The following CNTNAP3 variants were observed in gnomAD, a reference collection of about 807,000 sequenced individuals.
The protein encoded by CNTNAP3 is contactin associated protein family member 3.
Under a neutral mutation model 92.1 loss-of-function variants are expected in CNTNAP3, and 36 were observed. That is an observed-to-expected ratio of 0.39 (90% CI 0.30 to 0.52). CNTNAP3 has a LOEUF of 0.52. Ranked by LOEUF, CNTNAP3 falls within the 20% of genes least tolerant of loss-of-function variation. The pLI, the probability that CNTNAP3 is intolerant of heterozygous loss-of-function variation, is 0.76. For synonymous variants in CNTNAP3, 232 were observed against 422.3 expected, an observed-to-expected ratio of 0.55 and a Z score of 5.53; for missense variants, 534 against 1,069.6, an observed-to-expected ratio of 0.50 and a Z score of 6.98.
rs1825589990 is a variant in CNTNAP3, at chr9:39,069,476, C to A, written c.*4414G>T. On this transcript the variant is annotated 3_prime_UTR_variant, in exon 24 of 24. Coordinates refer to ENST00000297668, the MANE Select transcript of CNTNAP3 (RefSeq NM_033655.5). ...TAAAAGTTCATCTTATGATTTTAAA[C>A]ATTTTTATTCACAGAGCAAATGCAA... Among the ~76,000 whole-genome samples the A allele has an allele frequency of 6.6e-6, 1 of 152,310 alleles. No individual in the cohort carries two copies. Among genetic ancestry groups the A allele is most frequent in the South Asian group, 2.1e-4 (1 of 4,838 alleles).
chr9:39,151,026 G>A (rs1241076921), intron 9 of CNTNAP3, among the ~76,000 whole-genome samples: 1 of 147,800 alleles, frequency 6.8e-6, no homozygotes, highest in African/African-American at 2.5e-5. Flanking sequence ...GAAAAGTAAG[G>A]AAAAGGATGA....
intron 18 of CNTNAP3, among the ~76,000 whole-genome samples, chr9:39,089,870 T>C (rs1826150479): frequency 6.6e-6 from 1 of 152,202 alleles, no homozygotes; most frequent in African/African-American, 2.4e-5. Context: ...AAGAAATATC[T>C]ATTTATAAGC....
At chr9:39,132,840 A>G (rs1821326709) in intron 13 of CNTNAP3, 92 bp downstream of exon 13, 1 of 1,386,774 alleles carries the variant, frequency 7.2e-7, no homozygotes, top group South Asian at 1.4e-5. Flanking sequence ...CACGGGAGGG[A>G]CCCTGGCCTT....
chr9:39,145,490 G>A (rs1401788100), intron 10 of CNTNAP3, among the ~76,000 whole-genome samples: 23 of 142,910 alleles, frequency 1.6e-4, no homozygotes, highest in South Asian at 4.5e-4. Flanking sequence ...GGCTGTGGTG[G>A]AAGGACGACC....
intron 10 of CNTNAP3, among the ~76,000 whole-genome samples, chr9:39,146,886 G>C (rs1369973066): frequency 6.6e-6 from 1 of 152,140 alleles, no homozygotes; most frequent in East Asian, 1.9e-4. Context: ...TTTCTACTTT[G>C]TGAATTAGTG....
intron 15 of CNTNAP3, among the ~76,000 whole-genome samples, chr9:39,108,409 G>A (rs1332531929): frequency 2.6e-5 from 4 of 152,218 alleles, no homozygotes; most frequent in East Asian, 3.9e-4. Flanking sequence ...TGGCACACTC[G>A]GCAAGAATGT....
At chr9:39,143,618 G>A (rs963474445) in intron 11 of CNTNAP3, among the ~76,000 whole-genome samples, 1 of 152,152 alleles carries the variant, frequency 6.6e-6, no homozygotes, top group Admixed American at 6.5e-5. Context: ...ATAGCAGAGG[G>A]CTGACATAAG....
At chr9:39,101,693 G>C (rs1008551511) in intron 17 of CNTNAP3, among the ~76,000 whole-genome samples, 1 of 150,170 alleles carries the variant, frequency 6.7e-6, no homozygotes, top group Non-Finnish European at 1.5e-5. Flanking sequence ...TCCAATCAGC[G>C]GGTATCCTGC....
At chr9:39,079,077 T>C (rs1825867934) in intron 21 of CNTNAP3, among the ~76,000 whole-genome samples, 157 bp from the exon 22 acceptor site, 1 of 152,082 alleles carries the variant, frequency 6.6e-6, no homozygotes, top group Non-Finnish European at 1.5e-5. Flanking sequence ...TCACCGTGAA[T>C]CTTTACCTGT....
Position 39,072,473 on chromosome 9 carries a change from C to A in CNTNAP3, c.*1417G>T, listed in dbSNP as rs1435036468. On this transcript the variant is annotated 3_prime_UTR_variant, in exon 24 of 24. Transcript: ENST00000297668. Reference sequence around the variant, plus strand: ...ACTGCTTCAATACTAGTCCCTGGAACTGTCTCCATAAAGTTAATTCCAATC... The same window carrying A: ...ACTGCTTCAATACTAGTCCCTGGAAATGTCTCCATAAAGTTAATTCCAATC... Among the ~76,000 whole-genome samples the A allele has an allele frequency of 0.081, 10,357 of 128,044 alleles. 159 individuals are homozygous for A. The highest frequency in any genetic ancestry group is 0.15 in the East Asian group (634 of 4,114). The allele number at this position is 128,044 out of a possible 152,430, so 84.0% of individuals were successfully genotyped here. A position where few individuals can be genotyped will look rare whatever the true frequency, so the allele number is the denominator to read the frequency against.
intron 18 of CNTNAP3, among the ~76,000 whole-genome samples, chr9:39,096,199 G>C (rs1826322046): frequency 7.3e-6 from 1 of 137,630 alleles, no homozygotes; most frequent in Admixed American, 7.0e-5. Context: ...ACTGAAAAGG[G>C]TAAGAAATAT....
rs1825582812 is a variant in CNTNAP3, at chr9:39,069,204, A to C, written c.*4686T>G. 6.6e-6 allele frequency among the ~76,000 whole-genome samples: 1 copy of C among 152,228 alleles called. No homozygotes were observed. Among genetic ancestry groups the C allele is most frequent in the Non-Finnish European group, 1.5e-5 (1 of 68,044 alleles). On this transcript the variant is annotated 3_prime_UTR_variant, in exon 24 of 24. Coordinates refer to ENST00000297668, the MANE Select transcript of CNTNAP3 (RefSeq NM_033655.5). ...AGGAACTAGACATCTCAGGACCTGCATTCTAACCCATTTTTGTCAGTAATT... is the reference window on the plus strand; with the variant it reads ...AGGAACTAGACATCTCAGGACCTGCCTTCTAACCCATTTTTGTCAGTAATT...
At chr9:39,112,606 C>T (rs1242652172) in intron 14 of CNTNAP3, among the ~76,000 whole-genome samples, 19 of 152,208 alleles carry the variant, frequency 1.2e-4, no homozygotes, top group South Asian at 4.2e-4. Context: ...CTTCATGATC[C>T]GCCCGCCTTG....
chr9:39,133,166 A>G (rs369580796), intron 12 of CNTNAP3, 31 bp from the exon 13 acceptor site: 13 of 1,557,032 alleles, frequency 8.3e-6, no homozygotes, highest in East Asian at 7.0e-5. Flanking sequence ...GAGAGGCATC[A>G]CTGGACGGCA....
intron 14 of CNTNAP3, among the ~76,000 whole-genome samples, chr9:39,116,512 GT>G (rs201586911): frequency 0.017 from 2,642 of 152,250 alleles, 80 homozygotes; most frequent in African/African-American, 0.06. Context: ...ACAAAATATT[GT>G]ACAAAACCAT....
intron 14 of CNTNAP3, among the ~76,000 whole-genome samples, chr9:39,117,024 G>C (rs1461284936): frequency 1.3e-5 from 2 of 151,644 alleles, no homozygotes; most frequent in African/African-American, 4.8e-5. Context: ...GTGGAGTCTT[G>C]CTCTGTCGCC....
Position 39,132,959 on chromosome 9 carries a change from C to G in CNTNAP3, c.2053G>C (p.Gly685Arg), listed in dbSNP as rs763014631. ...RCEQRLALRC[G>R]TARRPDSRDG... ...CGTGAGTCCGGGCGCCGCGCCGTCC[C>G]GCAGCGCAGAGCCAGCCGCTGCTCG... is the stretch of plus-strand genomic sequence containing the variant. The change falls in exon 13 of 24, where the codon GGG becomes CGG. Residue 685 changes from glycine to arginine, a missense_variant. Coordinates refer to ENST00000297668, the MANE Select transcript of CNTNAP3 (RefSeq NM_033655.5). 17 of 1,548,144 alleles carry G rather than the reference C, an allele frequency of 1.1e-5. No homozygotes were observed. The highest frequency in any genetic ancestry group is 8.3e-5 in the African/African-American group (6 of 72,070).
chr9:39,117,474 A>G (rs1820887376), intron 14 of CNTNAP3, among the ~76,000 whole-genome samples: 1 of 152,216 alleles, frequency 6.6e-6, no homozygotes, highest in Non-Finnish European at 1.5e-5. Flanking sequence ...ATTGCAATCT[A>G]CATGAGAAAA....
chr9:39,168,338 A>G (rs1822211467), intron 8 of CNTNAP3, among the ~76,000 whole-genome samples: 1 of 148,130 alleles, frequency 6.8e-6, no homozygotes, highest in Non-Finnish European at 1.5e-5. Flanking sequence ...TTCTTTTACC[A>G]CCCTGTGAAT....
Sources: gnomAD v4.1 joint callset for allele counts (sites outside exome capture counted in the v4.1 genomes callset) on GRCh38, gnomAD v4.1.1 for gene constraint, MANE v1.5 for transcripts, NCBI Gene and HGNC (gene_info 2026-07-23, HGNC 2026-07-21) for gene names.